The following UGT1A9 variants were observed in gnomAD, a reference collection of about 807,000 sequenced individuals.
UGT1A9 encodes UDP-glucuronosyltransferase 1A9.
UGT1A9 carries 35 observed loss-of-function variants against 45.0 expected under a neutral mutation model. The ratio of observed to expected loss-of-function variants is 0.78; its 90% CI spans 0.59 to 1.03. UGT1A9 has a LOEUF of 1.03. Among genes scored for constraint, UGT1A9 ranks in the 50% least tolerant of loss-of-function variants. The probability of loss-of-function intolerance (pLI) is 0.00; values close to 1 mark genes in which losing one functional copy is unlikely to be tolerated. For missense variants in UGT1A9, 687 were observed against 666.6 expected (o/e 1.03, Z -0.34); for synonymous variants, 278 against 250.6 (o/e 1.11, Z -1.03).
intron 1 of UGT1A9, among the ~76,000 whole-genome samples, chr2:233,704,312 T>C (rs1316251379): frequency 6.7e-6 from 1 of 150,322 alleles, no homozygotes; most frequent in Non-Finnish European, 1.5e-5. Flanking sequence ...GTAAAATCCT[T>C]TAATGTTTTT....
chr2:233,693,423 A>G (rs769066377), intron 1 of UGT1A9: 10 of 1,614,114 alleles, frequency 6.2e-6, no homozygotes, highest in Non-Finnish European at 8.5e-6. Flanking sequence ...AACTTCTTTA[A>G]GGAGAGCAAG....
At chr2:233,683,620 T>G (rs1193714646) in intron 1 of UGT1A9, among the ~76,000 whole-genome samples, 1 of 152,194 alleles carries the variant, frequency 6.6e-6, no homozygotes, top group Non-Finnish European at 1.5e-5. Flanking sequence ...GATTCTGTTT[T>G]ATTTCCATAA....
intron 1 of UGT1A9, among the ~76,000 whole-genome samples, chr2:233,736,818 G>A (rs761920295): frequency 6.6e-6 from 1 of 152,210 alleles, no homozygotes; most frequent in Non-Finnish European, 1.5e-5. Flanking sequence ...GTCCACTCCA[G>A]ATGCTCTTTG....
At chr2:233,747,905 T>C in intron 1 of UGT1A9, 4 of 1,613,538 alleles carry the variant, frequency 2.5e-6, no homozygotes, top group Non-Finnish European at 3.4e-6. Flanking sequence ...CTGCTCCTTA[T>C]GCAAGCCTTG....
intron 1 of UGT1A9, among the ~76,000 whole-genome samples, chr2:233,736,048 T>A (rs909301616): frequency 6.6e-6 from 1 of 152,208 alleles, no homozygotes; most frequent in African/African-American, 2.4e-5. Context: ...TGAATTTGAA[T>A]GTTGGCCTGC....
At chr2:233,746,305 A>G (rs1693353993) in intron 1 of UGT1A9, among the ~76,000 whole-genome samples, 1 of 151,774 alleles carries the variant, frequency 6.6e-6, no homozygotes, top group Non-Finnish European at 1.5e-5. Context: ...TTTCCCTTGG[A>G]GGGCCCTGTA....
intron 1 of UGT1A9, among the ~76,000 whole-genome samples, chr2:233,698,126 G>T (rs753031905): frequency 2.0e-5 from 3 of 152,148 alleles, no homozygotes; most frequent in Admixed American, 1.3e-4. Flanking sequence ...GCTTGACCTT[G>T]TTTGTGTCTC....
At chr2:233,707,832 A>G (rs1428523705) in intron 1 of UGT1A9, among the ~76,000 whole-genome samples, 2 of 152,200 alleles carry the variant, frequency 1.3e-5, no homozygotes, top group African/African-American at 2.4e-5. Context: ...TTAATTTAAT[A>G]AGATGTAACT....
chr2:233,746,051 G>T (rs1270238597), intron 1 of UGT1A9, among the ~76,000 whole-genome samples: 3 of 151,680 alleles, frequency 2.0e-5, no homozygotes, highest in Non-Finnish European at 2.9e-5. Flanking sequence ...TGGATGCAGG[G>T]TCTAGAACGA....
chr2:233,760,572 C>T (rs1697490823), intron 1 of UGT1A9: 12 of 1,614,062 alleles, frequency 7.4e-6, no homozygotes, highest in East Asian at 2.2e-5. Context: ...TTGTTAGTCT[C>T]GGGCATAATG....
intron 1 of UGT1A9, among the ~76,000 whole-genome samples, chr2:233,727,281 G>A (rs1431266686): frequency 6.6e-6 from 1 of 152,122 alleles, no homozygotes; most frequent in Non-Finnish European, 1.5e-5. Flanking sequence ...CCAGACCCTG[G>A]AAGCTGATGA....
At chr2:233,693,661 C>T (rs1196693906) in intron 1 of UGT1A9, 1 of 1,614,126 alleles carries the variant, frequency 6.2e-7, no homozygotes, top group East Asian at 2.2e-5. Flanking sequence ...TGTTGGAGCC[C>T]TATCTATTTT....
intron 1 of UGT1A9, among the ~76,000 whole-genome samples, chr2:233,740,080 C>T (rs1401216325): frequency 3.3e-5 from 5 of 151,794 alleles, no homozygotes; most frequent in African/African-American, 7.3e-5. Flanking sequence ...CTCTGTCTCT[C>T]GCCTGCTGCC....
intron 1 of UGT1A9, chr2:233,693,301 T>C: frequency 6.2e-7 from 1 of 1,614,174 alleles, no homozygotes; most frequent in African/African-American, 1.3e-5. Flanking sequence ...ACAATCACTT[T>C]GCTGAGCGAT....
chr2:233,682,244 C>T (rs753185425), intron 1 of UGT1A9: 5 of 1,614,148 alleles, frequency 3.1e-6, no homozygotes, highest in Admixed American at 1.7e-5. Context: ...GGCACCATTG[C>T]GAAGTGCATT....
At chr2:233,715,166 G>T (rs568439911) in intron 1 of UGT1A9, among the ~76,000 whole-genome samples, 1 of 152,228 alleles carries the variant, frequency 6.6e-6, no homozygotes, top group African/African-American at 2.4e-5. Context: ...AATTACAGGC[G>T]CGAGCCACCA....
chr2:233,750,115 A>G (rs996940371), intron 1 of UGT1A9, among the ~76,000 whole-genome samples: 2 of 151,884 alleles, frequency 1.3e-5, no homozygotes, highest in Non-Finnish European at 1.5e-5. Context: ...AGAAGACAGG[A>G]AGATGTGGGA....
At chr2:233,758,716 G>T (rs905449123) in intron 1 of UGT1A9, among the ~76,000 whole-genome samples, 10 of 152,140 alleles carry the variant, frequency 6.6e-5, no homozygotes, top group African/African-American at 2.4e-4. Context: ...GTTTCTCTAT[G>T]ATCCTCTAAG....
intron 1 of UGT1A9, among the ~76,000 whole-genome samples, chr2:233,745,573 G>T (rs1271557146): frequency 6.6e-6 from 1 of 151,620 alleles, no homozygotes; most frequent in African/African-American, 2.4e-5. Flanking sequence ...AGCCTCTAGT[G>T]ACATAACCTG....
Sources: allele counts gnomAD v4.1 joint callset (sites outside exome capture counted in the v4.1 genomes callset), GRCh38; gene constraint gnomAD v4.1.1; transcripts MANE v1.5; gene names NCBI Gene and HGNC (gene_info 2026-07-23, HGNC 2026-07-21).